The following RASA1 variants were observed in gnomAD, a reference collection of about 807,000 sequenced individuals.
RASA1 encodes ras GTPase-activating protein 1.
RASA1 carries 25 observed loss-of-function variants against 132.2 expected under a neutral mutation model. The ratio of observed to expected loss-of-function variants is 0.19; its 90% confidence interval spans 0.14 to 0.26. RASA1 has a LOEUF of 0.26. Among genes scored for constraint, RASA1 ranks in the 10% least tolerant of loss-of-function variants. RASA1 has a pLI of 1.00. For missense variants in RASA1, 964 were observed against 1,299.2 expected (o/e 0.74, Z 3.97); for synonymous variants, 477 against 449.9 (o/e 1.06, Z -0.76).
At chr5:87,323,912 CTT>C (rs1757017031) in intron 1 of RASA1, among the ~76,000 whole-genome samples, 1 of 152,178 alleles carries the variant, frequency 6.6e-6, no homozygotes, top group Non-Finnish European at 1.5e-5. Flanking sequence ...TATCCTCCTA[CTT>C]ACTATACCAG....
chr5:87,332,732 T>C, intron 3 of RASA1, 90 bp downstream of exon 3: 1 of 1,286,182 alleles, frequency 7.8e-7, no homozygotes, highest in South Asian at 1.4e-5. Flanking sequence ...ATGTTTATTA[T>C]AATTCAAGAA....
chr5:87,310,600 G>C (rs994783465), intron 1 of RASA1, among the ~76,000 whole-genome samples: 5 of 152,150 alleles, frequency 3.3e-5, no homozygotes, highest in Admixed American at 3.3e-4. Context: ...AGCGCTGACA[G>C]ACTTAGTTAA....
At chr5:87,345,372 C>G (rs1234886617) in intron 6 of RASA1, among the ~76,000 whole-genome samples, 2 of 151,932 alleles carry the variant, frequency 1.3e-5, no homozygotes, top group Non-Finnish European at 2.9e-5. Flanking sequence ...GAATTTTTTT[C>G]AAACTGTAGA....
chr5:87,370,857 G>A (rs753694037), intron 12 of RASA1, among the ~76,000 whole-genome samples: 37 of 152,070 alleles, frequency 2.4e-4, no homozygotes, highest in South Asian at 4.1e-4. Context: ...AGATCCTAGC[G>A]TGAGACTCAC....
In RASA1 at chr5:87,346,681, T is replaced by C. The variant is rs758953066; in HGVS notation, c.1059T>C (p.His353=). 1 of 1,552,792 alleles carries C rather than the reference T, an allele frequency of 6.4e-7. No individual in the cohort carries two copies. Among genetic ancestry groups the C allele is most frequent in the Non-Finnish European group, 8.9e-7 (1 of 1,126,754 alleles). The part of the protein sequence containing the change: ...EDPHEGKIWF[H]GKISKQEAYN... ...TTATTCTCTTTTTAAGATGGTTCCA[T>C]GGGAAGATTTCCAAACAGGAAGCTT... The change falls in exon 7 of 25, where the codon CAT becomes CAC. Residue 353 remains histidine, a synonymous_variant. Coordinates refer to ENST00000274376, the MANE Select transcript of RASA1 (RefSeq NM_002890.3).
intron 1 of RASA1, among the ~76,000 whole-genome samples, chr5:87,315,100 C>T (rs1479958242): frequency 6.6e-6 from 1 of 152,162 alleles, no homozygotes; most frequent in Non-Finnish European, 1.5e-5. Flanking sequence ...GTCATATTCA[C>T]TATGTTCATA....
In RASA1 at chr5:87,268,238, G is replaced by A; in HGVS notation, c.-214G>A. 1 of 660,606 alleles carries A rather than the reference G, an allele frequency of 1.5e-6. No homozygotes were observed. The highest frequency in any genetic ancestry group is 2.8e-5 in the East Asian group (1 of 35,316). 40.9% of individuals were successfully genotyped at this position (660,606 alleles called of 1,614,324 possible). On this transcript the variant is annotated 5_prime_UTR_variant, in exon 1 of 25. Transcript: ENST00000274376. ...CGTTTGTGCAGGCGTTGGGTTTTTT[G>A]CCCACTTGGCTTCCCGTAACCCAGG...
chr5:87,354,664 T>C (rs1759522013), intron 9 of RASA1, among the ~76,000 whole-genome samples: 1 of 152,098 alleles, frequency 6.6e-6, no homozygotes, highest in Non-Finnish European at 1.5e-5. Flanking sequence ...AAGTCACATG[T>C]CTCTCACATT....
intron 14 of RASA1, 56 bp from the exon 15 acceptor site, chr5:87,374,784 T>A: frequency 6.3e-7 from 1 of 1,597,956 alleles, no homozygotes; most frequent in Non-Finnish European, 8.5e-7. Context: ...ACTAAAGAAA[T>A]AAGGTAGTTT....
At chr5:87,326,947 A>C (rs927436329) in intron 1 of RASA1, among the ~76,000 whole-genome samples, 2 of 152,194 alleles carry the variant, frequency 1.3e-5, no homozygotes, top group Admixed American at 6.5e-5. Context: ...GGTAATTGAG[A>C]CTAAGATGAT....
intron 1 of RASA1, among the ~76,000 whole-genome samples, chr5:87,291,764 T>A (rs1484043931): frequency 6.6e-6 from 1 of 152,194 alleles, no homozygotes; most frequent in Non-Finnish European, 1.5e-5. Context: ...CGCTTTGCCT[T>A]CCACCATGAG....
chr5:87,379,058 T>C (rs1467548320), intron 18 of RASA1, among the ~76,000 whole-genome samples: 1 of 152,206 alleles, frequency 6.6e-6, no homozygotes, highest in Non-Finnish European at 1.5e-5. Context: ...ATTTTAATGG[T>C]AAAGCAACTA....
In RASA1 at chr5:87,356,959, G is replaced by T. The variant is rs951328859; in HGVS notation, c.1332+3724G>T. On this transcript the variant is annotated intron_variant, in intron 9 of 24. Coordinates refer to ENST00000274376, the MANE Select transcript of RASA1 (RefSeq NM_002890.3). ...TTGCATTGTTTTTTCCCAGTGCTTA[G>T]AACAGTACCTGACATTAGATATTCA... Among the ~76,000 whole-genome samples the T allele has an allele frequency of 2.6e-5, 4 of 152,050 alleles. No homozygotes were observed. The East Asian group carries it at 7.7e-4, about 29-fold the overall frequency.
At chr5:87,375,744 G>C (rs1580384457) in intron 15 of RASA1, among the ~76,000 whole-genome samples, 1 of 152,214 alleles carries the variant, frequency 6.6e-6, no homozygotes, top group Middle Eastern at 3.4e-3. Context: ...GTTCACATCA[G>C]GGTGAATTAG....
chr5:87,343,462 A>C (rs867596777), intron 6 of RASA1, among the ~76,000 whole-genome samples: 1 of 152,168 alleles, frequency 6.6e-6, no homozygotes, highest in Non-Finnish European at 1.5e-5. Context: ...GTATATGAAA[A>C]AATGCTCACC....
rs1248677251 is a variant in RASA1, at chr5:87,358,337, C to A, written c.1333-4214C>A. On this transcript the variant is annotated intron_variant, in intron 9 of 24. Coordinates refer to ENST00000274376, the MANE Select transcript of RASA1 (RefSeq NM_002890.3). The stretch of plus-strand genomic sequence containing the variant: ...GCACTGTTTTTTATACATATTCATT[C>A]ATTTAATTTTCTCAACAACTTTACC... 2.0e-5 allele frequency among the ~76,000 whole-genome samples: 3 copies of A among 152,220 alleles called. No homozygotes were observed. The East Asian group carries it at 5.8e-4, about 29-fold the overall frequency.
intron 6 of RASA1, among the ~76,000 whole-genome samples, chr5:87,343,702 G>A (rs975311150): frequency 2.5e-4 from 38 of 152,052 alleles, no homozygotes; most frequent in Non-Finnish European, 4.4e-5. Context: ...CATATGATCC[G>A]GCAATCCCAC....
intron 9 of RASA1, among the ~76,000 whole-genome samples, chr5:87,359,763 C>T (rs1261565900): frequency 2.6e-5 from 4 of 152,168 alleles, no homozygotes; most frequent in South Asian, 4.2e-4. Context: ...ACAAATAATT[C>T]GCATCACCAA....
At chr5:87,308,728 ATATT>A (rs1755736222) in intron 1 of RASA1, among the ~76,000 whole-genome samples, 1 of 152,202 alleles carries the variant, frequency 6.6e-6, no homozygotes, top group South Asian at 2.1e-4. Context: ...TTATAATGCC[ATATT>A]TTTATTGTGT....
Sources: gnomAD v4.1 joint callset for allele counts (sites outside exome capture counted in the v4.1 genomes callset) on GRCh38, gnomAD v4.1.1 for gene constraint, MANE v1.5 for transcripts, NCBI Gene and HGNC (gene_info 2026-07-23, HGNC 2026-07-21) for gene names.